ASAH1: variants seen among roughly 807,000 people sequenced by gnomAD.
ASAH1 encodes the protein acid ceramidase.
Under a neutral mutation model 59.5 loss-of-function variants are expected in ASAH1, and 70 were observed. The ratio of observed to expected loss-of-function variants is 1.18; its 90% CI spans 0.97 to 1.43. The LOEUF (loss-of-function observed/expected upper bound fraction) is 1.43, where lower values mean the gene tolerates loss of function less well. Ranked by LOEUF, ASAH1 falls within the 40% of genes most tolerant of loss-of-function variation. ASAH1 has a pLI of 0.00. For synonymous variants in ASAH1, 213 were observed against 166.5 expected, an observed-to-expected ratio of 1.28 and a Z score of -2.15; for missense variants, 660 against 482.5, an observed-to-expected ratio of 1.37 and a Z score of -3.45.
chr8:18,073,163 G>T, intron 2 of ASAH1: 1 of 1,184,750 alleles, frequency 8.4e-7, no homozygotes, highest in Non-Finnish European at 1.2e-6. Context: ...AGCCATAATT[G>T]CACATTTTAC....
chr8:18,077,233 ATG>A (rs1223532412), intron 1 of ASAH1, among the ~76,000 whole-genome samples: 2 of 152,354 alleles, frequency 1.3e-5, no homozygotes, highest in Non-Finnish European at 2.9e-5. Flanking sequence ...TCAATAACAC[ATG>A]TGAGATTCCA....
intron 5 of ASAH1, chr8:18,066,660 T>C (rs1267794573): frequency 6.6e-6 from 1 of 152,292 alleles, no homozygotes; most frequent in Non-Finnish European, 1.5e-5. Flanking sequence ...TTTGGAAAAC[T>C]GTTTGGCAGA....
chr8:18,078,241 A>G (rs1015989110), intron 1 of ASAH1, among the ~76,000 whole-genome samples: 6 of 152,192 alleles, frequency 3.9e-5, no homozygotes, highest in Admixed American at 6.5e-5. Flanking sequence ...TTACAGGCAC[A>G]TTTCTTACTA....
chr8:18,064,179 G>C (rs937153358), intron 6 of ASAH1: 1 of 567,934 alleles, frequency 1.8e-6, no homozygotes. Context: ...TAGATGGGTA[G>C]AAGTAAACTA....
intron 1 of ASAH1, chr8:18,083,756 A>T: frequency 3.5e-6 from 3 of 849,834 alleles, no homozygotes; most frequent in Non-Finnish European, 5.3e-6. Context: ...AGAGACTAGG[A>T]TTTCCTTTAA....
chr8:18,062,199 T>C lies in ASAH1; in HGVS notation c.648+80A>G. 5.7e-6 allele frequency: 9 copies of C among 1,590,938 alleles called. No individual in the cohort carries two copies. The South Asian group carries it at 1.0e-4, about 18-fold the overall frequency. On this transcript the variant is annotated intron_variant, in intron 8 of 13. Coordinates refer to ENST00000637790, the MANE Select transcript of ASAH1 (RefSeq NM_177924.5). ...GCTTCATATTCCCTTTAGGTCCTCA[T>C]ATTCTTAGATTTCAACTTTTACATA...
In ASAH1 at chr8:18,056,429, G is replaced by A. The variant is rs1799472206; in HGVS notation, c.*1105C>T. On this transcript the variant is annotated 3_prime_UTR_variant, in exon 14 of 14. Transcript: ENST00000637790. ...CAACACAGATGTACACACCCAATCA[G>A]CGTGCATGACTGCTGACTGGCACTC... 2 of 152,030 alleles carry A rather than the reference G, an allele frequency of 1.3e-5. No homozygotes were observed. The highest frequency in any genetic ancestry group is 2.1e-4 in the South Asian group (1 of 4,824). 9.4% of individuals were successfully genotyped at this position (152,030 alleles called of 1,614,324 possible). A position where few individuals can be genotyped will look rare whatever the true frequency, so the allele number is the denominator to read the frequency against.
chr8:18,065,628 G>T (rs745510593), intron 5 of ASAH1: 1 of 151,994 alleles, frequency 6.6e-6, no homozygotes, highest in Non-Finnish European at 1.5e-5. Flanking sequence ...TAATTTTAAC[G>T]AATGGCATGT....
At chr8:18,070,596 T>C (rs1027798798) in intron 3 of ASAH1, among the ~76,000 whole-genome samples, 5 of 152,202 alleles carry the variant, frequency 3.3e-5, no homozygotes, top group Non-Finnish European at 7.3e-5. Flanking sequence ...CCTCGATTAA[T>C]ACATTAATAC....
intron 2 of ASAH1, among the ~76,000 whole-genome samples, chr8:18,073,542 T>G (rs1800263838): frequency 6.6e-6 from 1 of 152,184 alleles, no homozygotes; most frequent in African/African-American, 2.4e-5. Flanking sequence ...AGGCATCCCG[T>G]GAGCAGTGGG....
intron 1 of ASAH1, among the ~76,000 whole-genome samples, chr8:18,079,971 A>C (rs908861101): frequency 3.9e-5 from 6 of 152,338 alleles, no homozygotes; most frequent in South Asian, 2.1e-4. Flanking sequence ...CCTCCATGAG[A>C]GGAAGGACCT....
intron 2 of ASAH1, among the ~76,000 whole-genome samples, 189 bp from the exon 3 acceptor site, chr8:18,071,579 C>T (rs1431040266): frequency 1.3e-5 from 2 of 151,676 alleles, no homozygotes; most frequent in Non-Finnish European, 2.9e-5. Context: ...CAATCATAAG[C>T]GGTCACAGAA....
chr8:18,064,132 A>T (rs1653946433), intron 6 of ASAH1: 2 of 499,044 alleles, frequency 4.0e-6, no homozygotes, highest in East Asian at 3.2e-5. Context: ...CACGAAGATA[A>T]GGAAGCACCT....
At chr8:18,084,342 C>G (rs1160621304), upstream of ASAH1, 4 of 1,415,976 alleles carry the variant, frequency 2.8e-6, no homozygotes, top group Non-Finnish European at 2.8e-6. Context: ...ATCCCCCTCC[C>G]CCACCGCGGG....
chr8:18,062,354 G>T lies in ASAH1; in HGVS notation c.573C>A (p.Phe191Leu). Residue 191 changes from phenylalanine to leucine, a missense_variant, in exon 8 of 14, where the codon TTC (phenylalanine) becomes TTA (leucine). By Grantham distance (22) the Phe-to-Leu change is conservative (BLOSUM62 0). Coordinates refer to ENST00000637790, the MANE Select transcript of ASAH1 (RefSeq NM_177924.5). ...TGAAGACAGTTTTGTTGTTTCTTTG[G>T]AAATCCAAATTCACTGTTAAAGGTT... ...QLKPLTVNLD[F>L]QRNNKTVFKA... 1 of 1,614,154 alleles carries T rather than the reference G, an allele frequency of 6.2e-7. No individual in the cohort carries two copies. Among genetic ancestry groups the T allele is most frequent in the Non-Finnish European group, 8.5e-7 (1 of 1,180,010 alleles).
chr8:18,083,700 A>G (rs930731882), intron 1 of ASAH1, among the ~76,000 whole-genome samples: 1 of 152,202 alleles, frequency 6.6e-6, no homozygotes, highest in South Asian at 2.1e-4. Context: ...ATTCAAGTAC[A>G]CTCACTCAAA....
intron 2 of ASAH1, among the ~76,000 whole-genome samples, chr8:18,075,055 G>A (rs575134806): frequency 0.025 from 3,332 of 132,250 alleles, 136 homozygotes; most frequent in African/African-American, 0.05. Context: ...GAGTGCAGTG[G>A]TGCGATCTCG....
rs1800773733 is a variant in ASAH1, at chr8:18,083,947, G to A, written c.78+34C>T. 3.1e-6 allele frequency: 5 copies of A among 1,588,640 alleles called. No homozygotes were observed. In the African/African-American group the frequency reaches 4.0e-5, roughly 13 times the overall value. ...CCTCCATCCGCGCCCGCACCTGCAC[G>A]CCCCTCTCTGCGCCTCGGCTCAAGC... On this transcript the variant is annotated intron_variant, in intron 1 of 13. Transcript: ENST00000637790.
chr8:18,061,428 T>A lies in ASAH1; in HGVS notation c.734A>T (p.Asp245Val). The change falls in exon 10 of 14, where the codon GAT becomes GTT. Residue 245 changes from aspartate (D) to valine (V), a missense_variant. Transcript: ENST00000637790. ...AGTGAGGAACCCTATCCACATGACA[T>A]CTTTCTTTCCCAGAATCCATTCTAG... ...GILEWILGKK[D>V]VMWIGFLTRT... 4.3e-6 allele frequency: 7 copies of A among 1,613,052 alleles called. No individual in the cohort carries two copies. The highest frequency in any genetic ancestry group is 5.9e-6 in the Non-Finnish European group (7 of 1,178,962).
Sources: allele counts gnomAD v4.1 joint callset (sites outside exome capture counted in the v4.1 genomes callset), GRCh38; gene constraint gnomAD v4.1.1; transcripts MANE v1.5; gene names NCBI Gene and HGNC (gene_info 2026-07-23, HGNC 2026-07-21).